ASXL2: variants seen among roughly 807,000 people sequenced by gnomAD.
ASXL2 encodes the protein ASXL transcriptional regulator 2.
A neutral mutation model predicts 122.0 loss-of-function variants in ASXL2; 23 were observed. That is an observed-to-expected ratio of 0.19 (90% CI 0.14 to 0.27). The LOEUF (loss-of-function observed/expected upper bound fraction) is 0.27. Ranked by LOEUF, ASXL2 falls within the 10% of genes least tolerant of loss-of-function variation. The pLI is 1.00. For synonymous variants in ASXL2, 650 were observed against 637.0 expected, an observed-to-expected ratio of 1.02 and a Z score of -0.31; for missense variants, 1,518 against 1,713.8, an observed-to-expected ratio of 0.89 and a Z score of 2.02.
intron 1 of ASXL2, among the ~76,000 whole-genome samples, chr2:25,876,489 A>T (rs1363333977): frequency 1.3e-5 from 2 of 152,210 alleles, no homozygotes; most frequent in African/African-American, 4.8e-5. Flanking sequence ...TGGGCAACAT[A>T]GAAAGACCCT....
At position 25,750,404 on chromosome 2, in the gene ASXL2, C is replaced by G. The variant is rs1170823891; in HGVS notation, c.1152G>C (p.Leu384=). 1.4e-5 allele frequency: 22 copies of G among 1,579,492 alleles called. No homozygotes were observed. Among genetic ancestry groups the G allele is most frequent in the Non-Finnish European group, 1.8e-5 (21 of 1,169,400 alleles). The change falls in exon 12 of 13, where the codon CTG becomes CTC. Residue 384 remains leucine, a synonymous_variant. Transcript: ENST00000435504. The stretch of plus-strand genomic sequence containing the variant: ...TCAATTTCTTAGAATCTTCAAGGCT[C>G]AGGCCAGAACTAAAAAGGGGAAAAA... ...FESYYGQSSG[L]SLEDSKKLTA...
intron 3 of ASXL2, among the ~76,000 whole-genome samples, chr2:25,827,525 C>T (rs973592577): frequency 2.0e-5 from 3 of 152,136 alleles, no homozygotes; most frequent in African/African-American, 7.2e-5. Flanking sequence ...CCTGCAATTC[C>T]ACCATGATTG....
chr2:25,753,478 A>G, intron 11 of ASXL2, 56 bp downstream of exon 11: 1 of 1,325,542 alleles, frequency 7.5e-7, no homozygotes, highest in Non-Finnish European at 1.1e-6. Flanking sequence ...ATAAAGCACT[A>G]CATGACTTAT....
rs1204633120 is a variant in ASXL2, at chr2:25,735,092, A to C, written c.*6937T>G. 1 of 152,156 alleles carries C rather than the reference A, an allele frequency of 6.6e-6. No individual in the cohort carries two copies. Among genetic ancestry groups the C allele is most frequent in the Non-Finnish European group, 1.5e-5 (1 of 68,010 alleles). 9.4% of individuals were successfully genotyped at this position (152,156 alleles called of 1,614,324 possible). A position where few individuals can be genotyped will look rare whatever the true frequency, so the allele number is the denominator to read the frequency against. On this transcript the variant is annotated 3_prime_UTR_variant, in exon 13 of 13. Transcript: ENST00000435504. Reference sequence around the variant, plus strand: ...TTGCAGTTACTTTTCAGGAAAACCCACTATTTAGCCACAGCCCATCTCCAA... The same window carrying C: ...TTGCAGTTACTTTTCAGGAAAACCCCCTATTTAGCCACAGCCCATCTCCAA...
chr2:25,872,928 G>A (rs897154589), intron 1 of ASXL2, among the ~76,000 whole-genome samples: 1 of 151,936 alleles, frequency 6.6e-6, no homozygotes, highest in Non-Finnish European at 1.5e-5. Flanking sequence ...TTGGGAGGTT[G>A]TAAGTTCTTT....
chr2:25,842,899 G>A (rs1459631040), intron 2 of ASXL2, among the ~76,000 whole-genome samples: 1 of 151,298 alleles, frequency 6.6e-6, no homozygotes, highest in Non-Finnish European at 1.5e-5. Context: ...TCAGCTCACT[G>A]CAACCTCCAC....
chr2:25,810,149 A>G (rs1477417823), intron 3 of ASXL2: 1 of 563,600 alleles, frequency 1.8e-6, no homozygotes, highest in Non-Finnish European at 3.5e-6. Flanking sequence ...TTTCTTCAGC[A>G]TCACTCAGAC....
chr2:25,752,842 T>A, intron 11 of ASXL2, among the ~76,000 whole-genome samples: 1 of 135,124 alleles, frequency 7.4e-6, no homozygotes, highest in South Asian at 2.3e-4. Flanking sequence ...TGAAACTCTG[T>A]CTCAAAAAAA....
rs2149135922 is a variant in ASXL2 at position 25,742,669 on chromosome 2, C to T, written c.3668G>A (p.Ser1223Asn). The change falls in exon 13 of 13, where the codon AGT becomes AAT. Residue 1223 changes from serine (S) to asparagine (N), a missense_variant. Physicochemically the swap from Ser to Asn is conservative, Grantham distance 46. Around this residue, in one of 8 missense-constraint regions of ASXL2, gnomAD observed 831 missense variants for 833.1 expected, o/e 1.00. Coordinates refer to ENST00000435504, the MANE Select transcript of ASXL2 (RefSeq NM_018263.6). Reference protein sequence around the residue: ...GPHSRETLSTSDCLASKNVKA... With the variant: ...GPHSRETLSTNDCLASKNVKA... The stretch of plus-strand genomic sequence containing the variant: ...CACATTCTTGCTAGCTAAGCAATCA[C>T]TGGTAGATAGAGTTTCCCTGCTGTG... 1.9e-6 allele frequency: 3 copies of T among 1,613,986 alleles called. No homozygotes were observed. The highest frequency in any genetic ancestry group is 2.7e-5 in the African/African-American group (2 of 75,044).
rs747622600 is a variant in ASXL2, at chr2:25,743,885, C to G, written c.2452G>C (p.Val818Leu). Reference protein sequence around the residue: ...PTRATATVASVSHPQGPSSCR... With the variant: ...PTRATATVASLSHPQGPSSCR... ...CTACTGGGCCCTTGTGGATGGCTGA[C>G]AGAGGCCACTGTGGCTGTTGCTCTG... The change falls in exon 13 of 13, where the codon GTC (valine) becomes CTC (leucine). Residue 818 changes from valine (V) to leucine (L), a missense_variant. By Grantham distance (32) the Val-to-Leu change is conservative. This residue lies in a region of ASXL2 where 831 missense variants were observed against 833.1 expected (regional missense o/e 1.00). Transcript: ENST00000435504. 6.2e-7 allele frequency: 1 copy of G among 1,614,012 alleles called. No individual in the cohort carries two copies. The highest frequency in any genetic ancestry group is 1.1e-5 in the South Asian group (1 of 91,090).
chr2:25,823,437 A>G (rs1213837633), intron 3 of ASXL2, among the ~76,000 whole-genome samples: 2 of 152,188 alleles, frequency 1.3e-5, no homozygotes, highest in Non-Finnish European at 2.9e-5. Context: ...GATTGTTCCA[A>G]GTTTATTTTT....
chr2:25,856,749 A>C (rs2089784023), intron 1 of ASXL2: 2 of 1,303,502 alleles, frequency 1.5e-6, no homozygotes, highest in African/African-American at 1.5e-5. Flanking sequence ...CTTCAGCAGC[A>C]GACAGCTGCA....
chr2:25,789,263 T>G (rs531216823), intron 5 of ASXL2, among the ~76,000 whole-genome samples: 7 of 150,026 alleles, frequency 4.7e-5, no homozygotes, highest in Non-Finnish European at 8.8e-5. Flanking sequence ...CCACTCTATA[T>G]AGTTTTAAGA....
intron 3 of ASXL2, among the ~76,000 whole-genome samples, chr2:25,827,960 A>G (rs2089398435): frequency 6.6e-6 from 1 of 152,018 alleles, no homozygotes; most frequent in African/African-American, 2.4e-5. Flanking sequence ...CTATCATCCC[A>G]TTATTGTCTT....
At chr2:25,848,496 G>C (rs139425395) in intron 1 of ASXL2, among the ~76,000 whole-genome samples, 2 of 152,072 alleles carry the variant, frequency 1.3e-5, no homozygotes, top group Admixed American at 6.6e-5. Flanking sequence ...GGTGGCGGAC[G>C]CCTGTAGTCC....
In ASXL2 at chr2:25,806,349, A is replaced by G; in HGVS notation, c.144-12T>C. ...GAGGAGAAGTCCCACTGCAAAACAA[A>G]GAAGAGATGTGATAAGGAACACAAC... On this transcript the variant is annotated splice_polypyrimidine_tract_variant and intron_variant, in intron 3 of 12. Transcript: ENST00000435504. 1 of 1,575,272 alleles carries G rather than the reference A, an allele frequency of 6.3e-7. No homozygotes were observed. The highest frequency in any genetic ancestry group is 8.7e-7 in the Non-Finnish European group (1 of 1,148,462).
chr2:25,820,676 T>C (rs2089297655), intron 3 of ASXL2, among the ~76,000 whole-genome samples: 1 of 152,136 alleles, frequency 6.6e-6, no homozygotes, highest in Admixed American at 6.5e-5. Flanking sequence ...ATTATGGTGA[T>C]AATAGCACAA....
intron 1 of ASXL2, among the ~76,000 whole-genome samples, chr2:25,862,242 T>C (rs985007687): frequency 3.3e-5 from 5 of 152,228 alleles, no homozygotes; most frequent in African/African-American, 9.6e-5. Context: ...AAATGTTTGA[T>C]TGGATATAAT....
In ASXL2 at chr2:25,859,110, T is replaced by C. The variant is rs1286584951; in HGVS notation, c.58-13547A>G. On this transcript the variant is annotated intron_variant, in intron 1 of 12. Transcript: ENST00000435504. ...GATTACAGGTGTGAGCCACCACGCC[T>C]GGCCTTTTCTTTTTGAGACAGGGTT... Among the ~76,000 whole-genome samples the C allele has an allele frequency of 2.0e-5, 3 of 151,974 alleles. No individual in the cohort carries two copies. In the East Asian group the frequency reaches 5.8e-4, roughly 29 times the overall value.
Sources: gnomAD v4.1 joint callset for allele counts (sites outside exome capture counted in the v4.1 genomes callset) on GRCh38, gnomAD v4.1.1 for gene constraint, gnomAD v4.1.1 regional missense constraint, MANE v1.5 for transcripts, NCBI Gene and HGNC (gene_info 2026-07-23, HGNC 2026-07-21) for gene names.